Variants in AMN1 observed in about 807,000 individuals in gnomAD.
AMN1 encodes antagonist of mitotic exit network 1 homolog.
In AMN1, 20 loss-of-function variants were observed where a neutral mutation model predicts 33.0. That is an observed-to-expected ratio of 0.61 (90% CI 0.43 to 0.88). The LOEUF (loss-of-function observed/expected upper bound fraction) is 0.88. Among genes scored for constraint, AMN1 ranks in the 40% least tolerant of loss-of-function variants. The pLI is 0.00. For missense variants in AMN1, 246 were observed against 307.4 expected, an observed-to-expected ratio of 0.80 and a Z score of 1.49; for synonymous variants, 114 against 111.9, an observed-to-expected ratio of 1.02 and a Z score of -0.12.
In AMN1 at chr12:31,706,487, C is replaced by A. The variant is rs551319233; in HGVS notation, c.171+2806G>T. On this transcript the variant is annotated intron_variant, in intron 2 of 6. Transcript: ENST00000281471. ...GCTGCAGAGTGGTGGTGGCTGCAAA[C>A]CCAAAGACAATATTTAAATGTAAGT... Among the ~76,000 whole-genome samples the A allele has an allele frequency of 2.6e-5, 4 of 151,834 alleles. No individual in the cohort carries two copies. The South Asian group carries it at 6.2e-4, about 24-fold the overall frequency.
rs750164689 is a variant in AMN1 at position 31,695,376 on chromosome 12, C to T, written c.591+1985G>A. 5.3e-5 allele frequency among the ~76,000 whole-genome samples: 8 copies of T among 151,874 alleles called. No individual in the cohort carries two copies. In the South Asian group the frequency reaches 8.3e-4, roughly 16 times the overall value. ...ACAGCCTGGCATAACAGTAAGTGCT[C>T]GACAAATGTTTGCACTTAAAATACC... On this transcript the variant is annotated intron_variant, in intron 5 of 6. Transcript: ENST00000281471.
intron 6 of AMN1, among the ~76,000 whole-genome samples, chr12:31,680,804 A>G (rs568016434): frequency 5.9e-5 from 9 of 152,296 alleles, no homozygotes; most frequent in Non-Finnish European, 7.4e-5. Flanking sequence ...TATATAATAT[A>G]AATTTTATGG....
At chr12:31,678,038 T>C (rs78603561) in intron 6 of AMN1, among the ~76,000 whole-genome samples, 1,713 of 152,288 alleles carry the variant, frequency 0.011, 29 homozygotes, top group African/African-American at 0.039. Context: ...CTCTTACTAT[T>C]AGTTCATTCT....
Position 31,723,373 on chromosome 12 carries a change from C to T in AMN1, c.38+5598G>A, listed in dbSNP as rs113611048. On this transcript the variant is annotated intron_variant, in intron 1 of 6. Coordinates refer to ENST00000281471, the MANE Select transcript of AMN1 (RefSeq NM_001113402.2). ...ATGTTTTTGGTTTTCCAGACCACTG[C>T]GATCTCGGCTCACTGCAAGCTCCGC... Among the ~76,000 whole-genome samples, 336 of 152,270 alleles carry T rather than the reference C, an allele frequency of 2.2e-3. 1 individual carries two copies. The highest frequency in any genetic ancestry group is 7.7e-3 in the African/African-American group (320 of 41,548).
chr12:31,676,617 T>G (rs528827942), intron 6 of AMN1, among the ~76,000 whole-genome samples: 14 of 151,316 alleles, frequency 9.3e-5, no homozygotes, highest in Non-Finnish European at 1.5e-5. Flanking sequence ...CCACCGCGCC[T>G]GGCCAACACT....
intron 6 of AMN1, among the ~76,000 whole-genome samples, chr12:31,680,291 C>G (rs1937942408): frequency 6.6e-6 from 1 of 151,722 alleles, no homozygotes; most frequent in African/African-American, 2.4e-5. Context: ...ACCTCCGCCT[C>G]CCGGGTTCAA....
At chr12:31,700,750 C>T (rs758674755) in intron 3 of AMN1, among the ~76,000 whole-genome samples, 1 of 151,850 alleles carries the variant, frequency 6.6e-6, no homozygotes, top group Non-Finnish European at 1.5e-5. Context: ...AGTGCAGTGG[C>T]GCAATCTCGG....
intron 5 of AMN1, among the ~76,000 whole-genome samples, chr12:31,694,698 A>G (rs2050024952): frequency 6.6e-6 from 1 of 152,116 alleles, no homozygotes; most frequent in African/African-American, 2.4e-5. Context: ...GTAAGCCATG[A>G]TTGTGCCACT....
chr12:31,696,063 C>A (rs1399077428), intron 5 of AMN1, among the ~76,000 whole-genome samples: 1 of 151,234 alleles, frequency 6.6e-6, no homozygotes, highest in African/African-American at 2.4e-5. Context: ...GCCAACATGG[C>A]AAAACCCTGT....
In AMN1 at chr12:31,701,859, A is replaced by G; in HGVS notation, c.316+4T>C. On this transcript the variant is annotated splice_donor_region_variant and intron_variant, in intron 3 of 6. Coordinates refer to ENST00000281471, the MANE Select transcript of AMN1 (RefSeq NM_001113402.2). ...ACCAATGTACTCAGTGTTAATAAAC[A>G]TACCTTCTGAAGTTACAGAAACTCG... 1 of 1,594,314 alleles carries G rather than the reference A, an allele frequency of 6.3e-7. No homozygotes were observed. The highest frequency in any genetic ancestry group is 2.2e-5 in the East Asian group (1 of 44,634).
chr12:31,699,028 C>T (rs987088010), intron 3 of AMN1, among the ~76,000 whole-genome samples: 3 of 152,104 alleles, frequency 2.0e-5, no homozygotes, highest in Non-Finnish European at 4.4e-5. Flanking sequence ...ACATTCAGCT[C>T]AGTCCACAGA....
In AMN1 at chr12:31,672,174, G is replaced by A. The variant is rs1336150571; in HGVS notation, c.*130C>T. 10 of 666,606 alleles carry A rather than the reference G, an allele frequency of 1.5e-5. No individual in the cohort carries two copies. The highest frequency in any genetic ancestry group is 2.6e-5 in the Non-Finnish European group (10 of 383,930). The allele number at this position is 666,606 out of a possible 1,614,324, so 41.3% of individuals were successfully genotyped here. A position where few individuals can be genotyped will look rare whatever the true frequency, so the allele number is the denominator to read the frequency against. ...CCAAGACTTAGCTAATTCTCTGAGA[G>A]TTATAACTTAAGACAATAAAATAAT... On this transcript the variant is annotated 3_prime_UTR_variant, in exon 7 of 7. Coordinates refer to ENST00000281471, the MANE Select transcript of AMN1 (RefSeq NM_001113402.2).
In AMN1 at chr12:31,687,763, C is replaced by T. The variant is rs1938330858; in HGVS notation, c.703+1244G>A. 2.0e-5 allele frequency among the ~76,000 whole-genome samples: 3 copies of T among 151,822 alleles called. No homozygotes were observed. The highest frequency in any genetic ancestry group is 7.3e-5 in the African/African-American group (3 of 41,306). On this transcript the variant is annotated intron_variant, in intron 6 of 6. Transcript: ENST00000281471. The surrounding 1 kb of genome is among the most constrained non-coding windows in gnomAD (Gnocchi z 4.1). ...AATGAGCTGGAAGGACTGGGCATAA[C>T]TACTGATTTACAAGTTAGATCCAGT...
intron 1 of AMN1, among the ~76,000 whole-genome samples, chr12:31,720,262 C>T (rs528643616): frequency 8.2e-4 from 124 of 152,138 alleles, no homozygotes; most frequent in Admixed American, 1.5e-3. Flanking sequence ...CAGTCCCTGC[C>T]GGGTGTGGTG....
intron 6 of AMN1, among the ~76,000 whole-genome samples, chr12:31,685,239 G>A (rs529941397): frequency 4.6e-5 from 7 of 151,904 alleles, no homozygotes; most frequent in Admixed American, 3.3e-4. Context: ...ATGTTGGCCA[G>A]GTTGGTCTTG....
intron 6 of AMN1, among the ~76,000 whole-genome samples, chr12:31,680,674 G>C (rs1025724636): frequency 1.3e-5 from 2 of 152,164 alleles, no homozygotes; most frequent in African/African-American, 4.8e-5. Flanking sequence ...CGAGAAAATA[G>C]GTTAATTCAG....
Position 31,689,755 on chromosome 12 carries a change from T to C in AMN1, c.592-637A>G, listed in dbSNP as rs932800765. On this transcript the variant is annotated intron_variant, in intron 5 of 6. Transcript: ENST00000281471. ...GTCCATCAAATGATAAAATTATTTT[T>C]AAATTTTTTAAAAATTTCCATAGAT... is the stretch of plus-strand genomic sequence containing the variant. 2.0e-5 allele frequency among the ~76,000 whole-genome samples: 3 copies of C among 152,244 alleles called. No homozygotes were observed. In the South Asian group the frequency reaches 6.2e-4, roughly 32 times the overall value.
In AMN1 at chr12:31,724,326, T is replaced by C. The variant is rs554577126; in HGVS notation, c.38+4645A>G. ...GCTCTGGTGCAATTGTTAAGTAATA[T>C]CAGGGTTATGTGAATGCAGTAGCCC... On this transcript the variant is annotated intron_variant, in intron 1 of 6. Coordinates refer to ENST00000281471, the MANE Select transcript of AMN1 (RefSeq NM_001113402.2). 3.9e-5 allele frequency among the ~76,000 whole-genome samples: 6 copies of C among 152,298 alleles called. No individual in the cohort carries two copies. The East Asian group carries it at 1.2e-3, about 29-fold the overall frequency.
At chr12:31,705,855 C>T (rs1454772083) in intron 2 of AMN1, among the ~76,000 whole-genome samples, 1 of 152,152 alleles carries the variant, frequency 6.6e-6, no homozygotes, top group Non-Finnish European at 1.5e-5. Flanking sequence ...CCTCGGCTGA[C>T]AGAAGGATGC....
Sources: allele counts gnomAD v4.1 joint callset (sites outside exome capture counted in the v4.1 genomes callset), GRCh38; gene constraint gnomAD v4.1.1; non-coding constraint Gnocchi (gnomAD v3.1); transcripts MANE v1.5; gene names NCBI Gene and HGNC (gene_info 2026-07-23, HGNC 2026-07-21).